The following LRP8 variants were observed in gnomAD, a reference collection of about 807,000 sequenced individuals.
LRP8 encodes the protein low-density lipoprotein receptor-related protein 8.
In LRP8, 46 loss-of-function variants were observed where a neutral mutation model predicts 111.6. The observed-to-expected ratio is 0.41, with a 90% CI of 0.33 to 0.53. The LOEUF is 0.53. Among genes scored for constraint, LRP8 ranks in the 20% least tolerant of loss-of-function variants. The pLI is 0.20. For synonymous variants in LRP8, 464 were observed against 511.2 expected (o/e 0.91, Z 1.24); for missense variants, 959 against 1,297.4 (o/e 0.74, Z 4.01).
At position 53,262,091 on chromosome 1, in the gene LRP8, G is replaced by A; in HGVS notation, c.1891C>T (p.Pro631Ser). Residue 631 changes from proline to serine, a missense_variant, in exon 12 of 19, where the codon CCT (proline) becomes TCT (serine). Physicochemically the swap from Pro to Ser is moderately conservative, Grantham distance 74. Around this residue, in one of 3 missense-constraint regions of LRP8, gnomAD observed 819 missense variants for 1,097.6 expected, o/e 0.75. Coordinates refer to ENST00000306052, the MANE Select transcript of LRP8 (RefSeq NM_004631.5). The surrounding 1 kb of genome is among the most constrained non-coding windows in gnomAD (Gnocchi z 4.8). ...ACCTCAAACACAGCTATCCCAAAAGGGTGGCTCAGGAAGTCAGTGGAGGAG... is the reference window on the plus strand; with the variant it reads ...ACCTCAAACACAGCTATCCCAAAAGAGTGGCTCAGGAAGTCAGTGGAGGAG... ...LISSTDFLSH[P>S]FGIAVFEDKV... 6.2e-7 allele frequency: 1 copy of A among 1,614,154 alleles called. No individual in the cohort carries two copies. The highest frequency in any genetic ancestry group is 8.5e-7 in the Non-Finnish European group (1 of 1,180,026).
At chr1:53,326,718 GAGGCGGTGCCC>G (rs1439059168) in intron 2 of LRP8, among the ~76,000 whole-genome samples, 144 bp downstream of exon 2, 2 of 152,202 alleles carry the variant, frequency 1.3e-5, no homozygotes, top group African/African-American at 4.8e-5. Context: ...GGCCCCGAGG[GAGGCGGTGCCC>G]AGGCGGTTTC....
Position 53,326,937 on chromosome 1 carries a change from G to A in LRP8, c.180C>T (p.Ile60=). 4.3e-6 allele frequency: 7 copies of A among 1,613,946 alleles called. No homozygotes were observed. Among genetic ancestry groups the A allele is most frequent in the Non-Finnish European group, 5.9e-6 (7 of 1,180,002 alleles). The change falls in exon 2 of 19, where the codon ATC becomes ATT. Residue 60 remains isoleucine, a synonymous_variant. Coordinates refer to ENST00000306052, the MANE Select transcript of LRP8 (RefSeq NM_004631.5). ...DQFQCRNERC[I]PSVWRCDEDD... ...CCTCGTCGCATCTCCACACAGAGGGGATGCAGCGCTCGTTCCGGCACTGGA... is the reference window on the plus strand; with the variant it reads ...CCTCGTCGCATCTCCACACAGAGGGAATGCAGCGCTCGTTCCGGCACTGGA...
rs528080185 is a variant in LRP8 at position 53,246,119 on chromosome 1, A to G, written c.*899T>C. The G allele has an allele frequency of 1.3e-5, 2 of 152,344 alleles. No homozygotes were observed. The highest frequency in any genetic ancestry group is 3.9e-4 in the East Asian group (2 of 5,184). 9.4% of individuals were successfully genotyped at this position (152,344 alleles called of 1,614,324 possible). A position where few individuals can be genotyped will look rare whatever the true frequency, so the allele number is the denominator to read the frequency against. ...TGTACACTGACCTTCGCCAAAGCCAAGAAAGCCCTGGTAGGAGTCACAGCA... is the reference window on the plus strand; with the variant it reads ...TGTACACTGACCTTCGCCAAAGCCAGGAAAGCCCTGGTAGGAGTCACAGCA... On this transcript the variant is annotated 3_prime_UTR_variant, in exon 19 of 19. Transcript: ENST00000306052.
intron 3 of LRP8, among the ~76,000 whole-genome samples, chr1:53,288,621 C>T (rs745917134): frequency 2.2e-4 from 33 of 152,088 alleles, no homozygotes; most frequent in Admixed American, 7.2e-4. Flanking sequence ...TCACCAGCCA[C>T]GGCGTTAGAT....
At chr1:53,285,747 C>T (rs1330892103) in intron 3 of LRP8, among the ~76,000 whole-genome samples, 2 of 152,162 alleles carry the variant, frequency 1.3e-5, no homozygotes, top group Admixed American at 6.5e-5. Flanking sequence ...GCGATGCAGA[C>T]CCCATCCCAG....
At chr1:53,278,722 C>CGTGA (rs1647008009) in intron 4 of LRP8, among the ~76,000 whole-genome samples, 1 of 150,480 alleles carries the variant, frequency 6.6e-6, no homozygotes, top group Non-Finnish European at 1.5e-5. Context: ...GGAGGGTGGA[C>CGTGA]TCACTGCTTT....
intron 2 of LRP8, among the ~76,000 whole-genome samples, chr1:53,325,063 A>G (rs1202908680): frequency 6.6e-6 from 1 of 152,246 alleles, no homozygotes; most frequent in Non-Finnish European, 1.5e-5. Context: ...CAGCCCAGAC[A>G]CGCAGTTTCT....
At chr1:53,316,455 G>A (rs1653815526) in intron 2 of LRP8, among the ~76,000 whole-genome samples, 1 of 152,248 alleles carries the variant, frequency 6.6e-6, no homozygotes, top group African/African-American at 2.4e-5. Context: ...TCCAGTAGAT[G>A]TAGGCTCTGC....
chr1:53,308,215 C>G (rs568168271), intron 2 of LRP8, among the ~76,000 whole-genome samples: 1 of 152,386 alleles, frequency 6.6e-6, no homozygotes, highest in Admixed American at 6.5e-5. Context: ...GGGCACACTT[C>G]AAGGCACTGT....
At chr1:53,316,938 G>A (rs557406387) in intron 2 of LRP8, among the ~76,000 whole-genome samples, 9 of 152,142 alleles carry the variant, frequency 5.9e-5, no homozygotes, top group Non-Finnish European at 8.8e-5. Context: ...GTGGGGAGGC[G>A]GGGAGCTCTG....
rs1179953261 is a variant in LRP8 at position 53,317,874 on chromosome 1, C to A, written c.244+8999G>T. 6.6e-6 allele frequency among the ~76,000 whole-genome samples: 1 copy of A among 152,182 alleles called. No individual in the cohort carries two copies. Among genetic ancestry groups the A allele is most frequent in the Non-Finnish European group, 1.5e-5 (1 of 68,034 alleles). ...AAGGAACCTGGGCCTCAGGGTGGAG[C>A]TCTGGAAGTGGAGCTAAGGAGTCCA... On this transcript the variant is annotated intron_variant, in intron 2 of 18. Transcript: ENST00000306052. The surrounding 1 kb of genome is among the most constrained non-coding windows in gnomAD (Gnocchi z 4.9).
intron 2 of LRP8, among the ~76,000 whole-genome samples, chr1:53,322,585 C>A (rs551711302): frequency 6.6e-6 from 1 of 152,214 alleles, no homozygotes; most frequent in Admixed American, 6.5e-5. Flanking sequence ...TCACAGAGGG[C>A]CAAATACAGA....
At position 53,249,350 on chromosome 1, in the gene LRP8, C is replaced by T; in HGVS notation, c.2853+30G>A. 1 of 1,607,110 alleles carries T rather than the reference C, an allele frequency of 6.2e-7. No homozygotes were observed. Among genetic ancestry groups the T allele is most frequent in the South Asian group, 1.1e-5 (1 of 89,928 alleles). On this transcript the variant is annotated intron_variant, in intron 18 of 18. Transcript: ENST00000306052. The surrounding 1 kb of genome is among the most constrained non-coding windows in gnomAD (Gnocchi z 4.1). ...CTTGGTTCATGCCCTCACTCACCAG[C>T]CCCTCAGACTTAGAGTGGCACTGCC...
Position 53,298,899 on chromosome 1 carries a change from TGAG to T in LRP8, c.245-9213_245-9211del, listed in dbSNP as rs532410200. Among the ~76,000 whole-genome samples, 20 of 152,312 alleles carry T rather than the reference TGAG, an allele frequency of 1.3e-4. No individual in the cohort carries two copies. In the East Asian group the frequency reaches 1.4e-3, roughly 10 times the overall value. ...GCTCTTCCGCTTCTTCTTTTGCAGTTGAGGAGAAGGTTCTAGATCTCATTCCAG... is the reference window on the plus strand; with the variant it reads ...GCTCTTCCGCTTCTTCTTTTGCAGTTGAGAAGGTTCTAGATCTCATTCCAG... On this transcript the variant is annotated intron_variant, in intron 2 of 18. Transcript: ENST00000306052.
chr1:53,287,025 C>T (rs1421335561), intron 3 of LRP8, among the ~76,000 whole-genome samples: 1 of 152,256 alleles, frequency 6.6e-6, no homozygotes, highest in East Asian at 1.9e-4. Flanking sequence ...GGTTAAAAGA[C>T]CTGAACCCAA....
rs1387351316 is a variant in LRP8 at position 53,246,757 on chromosome 1, A to G, written c.*261T>C. The G allele has an allele frequency of 2.2e-6, 1 of 458,552 alleles. No individual in the cohort carries two copies. The highest frequency in any genetic ancestry group is 3.8e-6 in the Non-Finnish European group (1 of 261,438). 28.4% of individuals were successfully genotyped at this position (458,552 alleles called of 1,614,324 possible). On this transcript the variant is annotated 3_prime_UTR_variant, in exon 19 of 19. Transcript: ENST00000306052. ...CATGTTAGTCAGCAGTAGCCATTCC[A>G]CGAATTCCTCATGGGTAGTGCAACC...
chr1:53,313,546 G>C (rs1430356269), intron 2 of LRP8, among the ~76,000 whole-genome samples: 1 of 152,174 alleles, frequency 6.6e-6, no homozygotes, highest in African/African-American at 2.4e-5. Flanking sequence ...ACAAGGATGA[G>C]AGAGCCCAGA....
chr1:53,264,696 G>A (rs562249957), intron 9 of LRP8, among the ~76,000 whole-genome samples: 1 of 152,330 alleles, frequency 6.6e-6, no homozygotes, highest in Non-Finnish European at 1.5e-5. Flanking sequence ...CAGAGGCATG[G>A]AGACTGCCTC....
intron 8 of LRP8, chr1:53,268,163 C>G (rs1168062411): frequency 3.3e-5 from 5 of 152,216 alleles, no homozygotes; most frequent in African/African-American, 4.8e-5. Context: ...GAGTTACAGG[C>G]CAGCTCTGCC....
Sources: gnomAD v4.1 joint callset for allele counts (sites outside exome capture counted in the v4.1 genomes callset) on GRCh38, gnomAD v4.1.1 for gene constraint, gnomAD v4.1.1 regional missense constraint, Gnocchi (gnomAD v3.1) non-coding constraint, MANE v1.5 for transcripts, NCBI Gene and HGNC (gene_info 2026-07-23, HGNC 2026-07-21) for gene names.